The following ZNF140 variants were observed in gnomAD, a reference collection of about 807,000 sequenced individuals.
ZNF140 encodes zinc finger protein 140 (clone pHZ-39).
Under a neutral mutation model 12.9 loss-of-function variants are expected in ZNF140, and 13 were observed. That is an observed-to-expected ratio of 1.01 (90% CI 0.66 to 1.60). The LOEUF is 1.60. Ranked by LOEUF, ZNF140 falls within the 40% of genes most tolerant of loss-of-function variation. The pLI is 0.00. For missense variants in ZNF140, 531 were observed against 548.8 expected (o/e 0.97, Z 0.32); for synonymous variants, 214 against 186.7 (o/e 1.15, Z -1.19).
intron 4 of ZNF140, among the ~76,000 whole-genome samples, chr12:133,088,052 C>T (rs1954732800): frequency 6.6e-6 from 1 of 151,768 alleles, no homozygotes. Context: ...ATCGCTGGAG[C>T]CCAGGAGGCA....
Position 133,105,694 on chromosome 12 carries a change from A to G in ZNF140, c.417A>G (p.Lys139=). Reference sequence around the variant, plus strand: ...AAGAAAATCAGGGATGTATTAGGAAAGTAACAGTCTCTCATCAAGAAGCCC... The same window carrying G: ...AAGAAAATCAGGGATGTATTAGGAAGGTAACAGTCTCTCATCAAGAAGCCC... The part of the protein sequence containing the change: ...MLQENQGCIR[K]VTVSHQEALA... Residue 139 remains lysine (K), a synonymous_variant, in exon 5 of 5, where the codon AAA becomes AAG. Transcript: ENST00000355557. 6.2e-7 allele frequency: 1 copy of G among 1,614,204 alleles called. No homozygotes were observed. Among genetic ancestry groups the G allele is most frequent in the South Asian group, 1.1e-5 (1 of 91,080 alleles).
At chr12:133,101,716 T>TA (rs1955357001) in intron 4 of ZNF140, among the ~76,000 whole-genome samples, 1 of 152,208 alleles carries the variant, frequency 6.6e-6, no homozygotes. Context: ...GTGCTGGGAT[T>TA]ACAGGCGTGA....
chr12:133,082,233 C>G (rs1467831046), intron 2 of ZNF140: 1 of 152,358 alleles, frequency 6.6e-6, no homozygotes, highest in East Asian at 1.9e-4. Context: ...CAGAGGTTCT[C>G]TGAGTTTTGC....
intron 2 of ZNF140, chr12:133,081,896 G>A (rs1162462046): frequency 5.6e-6 from 1 of 178,210 alleles, no homozygotes; most frequent in Admixed American, 6.4e-5. Context: ...TATTAGAAAT[G>A]AATATTCTTG....
Position 133,106,169 on chromosome 12 carries a change from G to C in ZNF140, c.892G>C (p.Glu298Gln). The stretch of plus-strand genomic sequence containing the variant: ...TCGCCACCAGATTACACATACTGGA[G>C]AGAAACCTTATGAATGCATTGAATG... ...LIRHQITHTG[E>Q]KPYECIECGK... The change falls in exon 5 of 5, where the codon GAG (glutamate) becomes CAG (glutamine). Residue 298 changes from glutamate to glutamine, a missense_variant. Transcript: ENST00000355557. 6.2e-7 allele frequency: 1 copy of C among 1,614,196 alleles called. No homozygotes were observed. Among genetic ancestry groups the C allele is most frequent in the South Asian group, 1.1e-5 (1 of 91,082 alleles).
chr12:133,105,308 C>T (rs1272280198), intron 4 of ZNF140, among the ~76,000 whole-genome samples: 1 of 152,178 alleles, frequency 6.6e-6, no homozygotes, highest in Non-Finnish European at 1.5e-5. Flanking sequence ...TTTACACTTT[C>T]TCTTTATTTA....
rs1954968239 is a variant in ZNF140 at position 133,093,569 on chromosome 12, TG to T, written c.232+10009del. 2.2e-5 allele frequency: 15 copies of T among 672,600 alleles called. 1 individual carries two copies. Among genetic ancestry groups the T allele is most frequent in the Non-Finnish European group, 4.1e-5 (15 of 369,064 alleles). The allele number at this position is 672,600 out of a possible 1,614,324, so 41.7% of individuals were successfully genotyped here. On this transcript the variant is annotated intron_variant, in intron 4 of 4. Coordinates refer to ENST00000355557, the MANE Select transcript of ZNF140 (RefSeq NM_003440.4). ...AAACACAAGCAAAATCTCTCCCCCA[TG>T]TTATCACCTTCCCTATTTCCCATGT...
chr12:133,096,305 A>G (rs1955123960), intron 4 of ZNF140, among the ~76,000 whole-genome samples: 1 of 151,572 alleles, frequency 6.6e-6, no homozygotes, highest in South Asian at 2.1e-4. Flanking sequence ...ATTTTATACA[A>G]CACGTTTTTG....
chr12:133,084,832 T>C (rs1954622252), intron 4 of ZNF140, among the ~76,000 whole-genome samples: 2 of 152,164 alleles, frequency 1.3e-5, no homozygotes, highest in Non-Finnish European at 1.5e-5. Context: ...TAGGAGAATG[T>C]CCAGAAGGAT....
chr12:133,090,249 C>T (rs1954811195), intron 4 of ZNF140, among the ~76,000 whole-genome samples: 1 of 152,136 alleles, frequency 6.6e-6, no homozygotes, highest in African/African-American at 2.4e-5. Context: ...AAGCCTTCCT[C>T]CTGCCTTAGC....
intron 4 of ZNF140, among the ~76,000 whole-genome samples, chr12:133,101,829 G>C (rs937194593): frequency 6.6e-6 from 1 of 151,992 alleles, no homozygotes; most frequent in South Asian, 2.1e-4. Context: ...ATCTCATCTT[G>C]CATCTTGTAT....
chr12:133,085,316 C>A (rs896383435), intron 4 of ZNF140, among the ~76,000 whole-genome samples: 8 of 152,210 alleles, frequency 5.3e-5, no homozygotes, highest in African/African-American at 1.9e-4. Context: ...AGCCACTGTG[C>A]CTGGCCTAAT....
rs375571530 is a variant in ZNF140, at chr12:133,099,808, C to G, written c.233-5702C>G. ...CACCTCTCTGAAGAACTTCTTTCAA[C>G]ATTTCTTGCAGGGCAGGTGTACTGG... On this transcript the variant is annotated intron_variant, in intron 4 of 4. Coordinates refer to ENST00000355557, the MANE Select transcript of ZNF140 (RefSeq NM_003440.4). Among the ~76,000 whole-genome samples the G allele has an allele frequency of 4.5e-3, 686 of 152,282 alleles. 3 individuals are homozygous for G. The highest frequency in any genetic ancestry group is 0.015 in the African/African-American group (622 of 41,556).
At position 133,081,348 on chromosome 12, in the gene ZNF140, A is replaced by AATATATATACATATATATATATATATAT. The variant is rs1954477441; in HGVS notation, c.9+28_9+29insCATATATATATATATATATATATATATA. The AATATATATACATATATATATATATATAT allele has an allele frequency of 3.2e-6, 1 of 311,778 alleles. No individual in the cohort carries two copies. The highest frequency in any genetic ancestry group is 6.0e-6 in the Non-Finnish European group (1 of 167,694). 19.3% of individuals were successfully genotyped at this position (311,778 alleles called of 1,614,324 possible). On this transcript the variant is annotated intron_variant, in intron 2 of 4. Transcript: ENST00000355557. ...GTCTCAGGTAAGCTAATGATTGATA[A>AATATATATACATATATATATATATATAT]ATATATATATATATATATATATAAA...
At chr12:133,099,659 C>T (rs1955265509) in intron 4 of ZNF140, among the ~76,000 whole-genome samples, 1 of 152,124 alleles carries the variant, frequency 6.6e-6, no homozygotes, top group African/African-American at 2.4e-5. Context: ...CTTCTGTAAC[C>T]TGGGCAATAA....
At chr12:133,098,941 T>G (rs902893897) in intron 4 of ZNF140, among the ~76,000 whole-genome samples, 1 of 152,188 alleles carries the variant, frequency 6.6e-6, no homozygotes, top group Non-Finnish European at 1.5e-5. Context: ...TGGAGTGCAG[T>G]GGCACTATCT....
chr12:133,095,149 C>T (rs1285296829), intron 4 of ZNF140, among the ~76,000 whole-genome samples: 1 of 151,150 alleles, frequency 6.6e-6, no homozygotes, highest in Non-Finnish European at 1.5e-5. Flanking sequence ...TAATTCTTTG[C>T]CAATTTTTTC....
In ZNF140 at chr12:133,083,460, A is replaced by G. The variant is rs2137481725; in HGVS notation, c.137-6A>G. Reference sequence around the variant, plus strand: ...ATCTTGAATTTATTTCATTTTCTGCAAGCAGGTCTTTCCATTTCTAAGCCA... The same window carrying G: ...ATCTTGAATTTATTTCATTTTCTGCGAGCAGGTCTTTCCATTTCTAAGCCA... On this transcript the variant is annotated splice_region_variant and splice_polypyrimidine_tract_variant and intron_variant, in intron 3 of 4. Coordinates refer to ENST00000355557, the MANE Select transcript of ZNF140 (RefSeq NM_003440.4). 14 of 1,608,228 alleles carry G rather than the reference A, an allele frequency of 8.7e-6. No individual in the cohort carries two copies. Among genetic ancestry groups the G allele is most frequent in the Non-Finnish European group, 1.1e-5 (13 of 1,178,238 alleles).
chr12:133,100,691 T>C (rs1955314443), intron 4 of ZNF140, among the ~76,000 whole-genome samples: 1 of 152,198 alleles, frequency 6.6e-6, no homozygotes, highest in Non-Finnish European at 1.5e-5. Flanking sequence ...ACTTTGTAGC[T>C]TCTTTTTGGC....
Sources: gnomAD v4.1 joint callset for allele counts (sites outside exome capture counted in the v4.1 genomes callset) on GRCh38, gnomAD v4.1.1 for gene constraint, MANE v1.5 for transcripts, NCBI Gene and HGNC (gene_info 2026-07-23, HGNC 2026-07-21) for gene names.